Variants in CNBP observed in about 807,000 individuals in gnomAD.
CNBP encodes the protein CCHC-type zinc finger nucleic acid binding protein, also known as cellular nucleic acid-binding protein.
Under a neutral mutation model 21.2 loss-of-function variants are expected in CNBP, and 6 were observed. The ratio of observed to expected loss-of-function variants is 0.28; its 90% confidence interval spans 0.16 to 0.56. The LOEUF (loss-of-function observed/expected upper bound fraction) is 0.56. CNBP is among the 20% of genes least tolerant of loss of function. CNBP has a pLI of 0.93. For missense variants in CNBP, 112 were observed against 233.1 expected (o/e 0.48, Z 3.38); for synonymous variants, 61 against 74.9 (o/e 0.81, Z 0.96).
chr3:129,183,417 C>A (rs913103524), intron 1 of CNBP, among the ~76,000 whole-genome samples: 2 of 152,236 alleles, frequency 1.3e-5, no homozygotes, highest in Non-Finnish European at 2.9e-5. Flanking sequence ...CAAATCCACC[C>A]TCGGTCCCTC....
chr3:129,172,843 T>G (rs1937644016), intron 1 of CNBP, among the ~76,000 whole-genome samples: 1 of 152,204 alleles, frequency 6.6e-6, no homozygotes, highest in Non-Finnish European at 1.5e-5. Context: ...ATTTATTTAC[T>G]CACATCAAAA....
At chr3:129,172,428 A>G (rs1219294013) in intron 1 of CNBP, among the ~76,000 whole-genome samples, 1 of 151,934 alleles carries the variant, frequency 6.6e-6, no homozygotes, top group Non-Finnish European at 1.5e-5. Flanking sequence ...CTAAAAATAC[A>G]AAAAACAGCC....
intron 1 of CNBP, among the ~76,000 whole-genome samples, chr3:129,173,814 T>C (rs905091013): frequency 9.2e-5 from 14 of 152,154 alleles, no homozygotes; most frequent in African/African-American, 3.4e-4. Flanking sequence ...ACAGGCACCA[T>C]CATCTAGAAA....
rs115581608 is a variant in CNBP, at chr3:129,175,968, C to T, written c.-14-4197G>A. Among the ~76,000 whole-genome samples, 1,168 of 152,280 alleles carry T rather than the reference C, an allele frequency of 7.7e-3. 13 individuals carry two copies. Among genetic ancestry groups the T allele is most frequent in the African/African-American group, 0.026 (1,072 of 41,554 alleles). ...AGGTGGTCTACAGTTTCACTGGTAA[C>T]TGGTCCCTTGTGATAGACTTGTCTC... On this transcript the variant is annotated intron_variant, in intron 1 of 4. Transcript: ENST00000422453.
At chr3:129,183,405 G>A (rs1938451309) in intron 1 of CNBP, among the ~76,000 whole-genome samples, 1 of 152,076 alleles carries the variant, frequency 6.6e-6, no homozygotes. Context: ...GTGAGTTCCC[G>A]CCAAATCCAC....
intron 1 of CNBP, among the ~76,000 whole-genome samples, chr3:129,180,270 C>G (rs1005257287): frequency 1.3e-5 from 2 of 151,930 alleles, no homozygotes; most frequent in Non-Finnish European, 2.9e-5. Flanking sequence ...AAAACTAATA[C>G]TGATAGCTTT....
At chr3:129,182,487 G>A (rs1158809281) in intron 1 of CNBP, among the ~76,000 whole-genome samples, 1 of 152,056 alleles carries the variant, frequency 6.6e-6, no homozygotes, top group Admixed American at 6.6e-5. Context: ...ACAAGCACAA[G>A]CCTTACCCAT....
Position 129,170,330 on chromosome 3 carries a change from C to T in CNBP, c.*123G>A, listed in dbSNP as rs185345442. On this transcript the variant is annotated 3_prime_UTR_variant, in exon 5 of 5. Coordinates refer to ENST00000422453, the MANE Select transcript of CNBP (RefSeq NM_003418.5). ...TTTCCACCCCTTTCCTCCTTTTACACGGCAAGTAAAGCTCACTGGCCTGGG... is the reference window on the plus strand; with the variant it reads ...TTTCCACCCCTTTCCTCCTTTTACATGGCAAGTAAAGCTCACTGGCCTGGG... 74 of 785,712 alleles carry T rather than the reference C, an allele frequency of 9.4e-5. No homozygotes were observed. Among genetic ancestry groups the T allele is most frequent in the East Asian group, 8.6e-4 (35 of 40,754 alleles). The allele number at this position is 785,712 out of a possible 1,614,324, so 48.7% of individuals were successfully genotyped here. A position where few individuals can be genotyped will look rare whatever the true frequency, so the allele number is the denominator to read the frequency against.
At chr3:129,171,029 G>C in intron 4 of CNBP, 50 bp downstream of exon 4, 1 of 1,550,072 alleles carries the variant, frequency 6.5e-7, no homozygotes, top group Non-Finnish European at 8.8e-7. Flanking sequence ...ATTCATCTCT[G>C]GAAGAATCTC....
At chr3:129,175,333 A>G (rs913969738) in intron 1 of CNBP, among the ~76,000 whole-genome samples, 5 of 152,124 alleles carry the variant, frequency 3.3e-5, no homozygotes, top group African/African-American at 1.2e-4. Flanking sequence ...TCAAAGAAAG[A>G]AAGAAAGAAA....
rs1937516573 is a variant in CNBP at position 129,168,901 on chromosome 3, C to G, written c.*1552G>C. Among the ~76,000 whole-genome samples the G allele has an allele frequency of 6.6e-6, 1 of 151,086 alleles. No individual in the cohort carries two copies. The highest frequency in any genetic ancestry group is 1.5e-5 in the Non-Finnish European group (1 of 67,844). On this transcript the variant is annotated 3_prime_UTR_variant, in exon 5 of 5. Transcript: ENST00000422453. ...CACGAGGTCAGGAGATTGAGACCAT[C>G]CTGGCTAACACCGTGAAACCCCGTC...
At chr3:129,173,954 A>C (rs1576915106) in intron 1 of CNBP, among the ~76,000 whole-genome samples, 1 of 152,192 alleles carries the variant, frequency 6.6e-6, no homozygotes, top group Non-Finnish European at 1.5e-5. Flanking sequence ...TTAATCATTA[A>C]CTTGTGGACA....
chr3:129,178,711 T>A (rs1653514801), intron 1 of CNBP, among the ~76,000 whole-genome samples: 1 of 152,138 alleles, frequency 6.6e-6, no homozygotes, highest in South Asian at 2.1e-4. Flanking sequence ...CTCCGTTAAG[T>A]CAGTTTACTG....
chr3:129,174,960 G>T (rs906817353), intron 1 of CNBP, among the ~76,000 whole-genome samples: 1 of 152,112 alleles, frequency 6.6e-6, no homozygotes, highest in African/African-American at 2.4e-5. Flanking sequence ...ACTTTGGGAC[G>T]CCAAGGCAGG....
At chr3:129,170,682 CCCT>C in intron 4 of CNBP, 112 bp from the exon 5 acceptor site, 1 of 810,250 alleles carries the variant, frequency 1.2e-6, no homozygotes, top group Non-Finnish European at 2.1e-6. Context: ...TGCAATTAAC[CCCT>C]AAGGTTTCAC....
At position 129,170,181 on chromosome 3, in the gene CNBP, C is replaced by A. The variant is rs953142466; in HGVS notation, c.*272G>T. 4.0e-5 allele frequency: 16 copies of A among 398,490 alleles called. No homozygotes were observed. Among genetic ancestry groups the A allele is most frequent in the Non-Finnish European group, 7.4e-5 (16 of 217,632 alleles). 24.7% of individuals were successfully genotyped at this position (398,490 alleles called of 1,614,324 possible). A position where few individuals can be genotyped will look rare whatever the true frequency, so the allele number is the denominator to read the frequency against. ...GCTTACTGGTCTGACTCAACTCTTCCCATTCATCAATCCCTATTCACCAGT... is the reference window on the plus strand; with the variant it reads ...GCTTACTGGTCTGACTCAACTCTTCACATTCATCAATCCCTATTCACCAGT... On this transcript the variant is annotated 3_prime_UTR_variant, in exon 5 of 5. Transcript: ENST00000422453.
chr3:129,179,461 T>TA (rs750548307), intron 1 of CNBP, among the ~76,000 whole-genome samples: 2 of 152,210 alleles, frequency 1.3e-5, no homozygotes, highest in African/African-American at 2.4e-5. Flanking sequence ...CTGCCCTGAT[T>TA]ACTTCTTGAA....
At chr3:129,172,080 A>C (rs1057178181) in intron 1 of CNBP, among the ~76,000 whole-genome samples, 1 of 151,920 alleles carries the variant, frequency 6.6e-6, no homozygotes, top group Non-Finnish European at 1.5e-5. Flanking sequence ...CTGAGGCAGG[A>C]GAATGGTGTG....
chr3:129,179,213 G>A (rs148825525), intron 1 of CNBP, among the ~76,000 whole-genome samples: 1,620 of 151,988 alleles, frequency 0.011, 34 homozygotes, highest in African/African-American at 0.037. Context: ...GGAGGCAGAG[G>A]TTGCGGTGAG....
Sources: gnomAD v4.1 joint callset for allele counts (sites outside exome capture counted in the v4.1 genomes callset) on GRCh38, gnomAD v4.1.1 for gene constraint, MANE v1.5 for transcripts, NCBI Gene and HGNC (gene_info 2026-07-23, HGNC 2026-07-21) for gene names.